The following NTM variants were observed in gnomAD, a reference collection of about 807,000 sequenced individuals.
NTM encodes the protein neurotrimin.
NTM carries 13 observed loss-of-function variants against 42.1 expected under a neutral mutation model. That is an observed-to-expected ratio of 0.31 (90% CI 0.20 to 0.49). The LOEUF (loss-of-function observed/expected upper bound fraction) is 0.49, where lower values mean the gene tolerates loss of function less well. Ranked by LOEUF, NTM falls within the 20% of genes least tolerant of loss-of-function variation. NTM has a pLI of 0.99. For synonymous variants in NTM, 187 were observed against 179.2 expected, an observed-to-expected ratio of 1.04 and a Z score of -0.35; for missense variants, 373 against 452.8, an observed-to-expected ratio of 0.82 and a Z score of 1.60.
In NTM at chr11:132,233,656, C is replaced by T. The variant is rs572822598; in HGVS notation, c.526+21509C>T. On this transcript the variant is annotated intron_variant, in intron 4 of 8. Coordinates refer to ENST00000683400, the MANE Select transcript of NTM (RefSeq NM_001352005.2). ...TTTGTTTATGCCTGCTTTTGTCTTA[C>T]GATGTCAGAGTGGAGTAGTTGCAAC... is the stretch of plus-strand genomic sequence containing the variant. 6.4e-4 allele frequency among the ~76,000 whole-genome samples: 97 copies of T among 152,212 alleles called. No individual in the cohort carries two copies. In the South Asian group the frequency reaches 0.01, roughly 16 times the overall value.
intron 1 of NTM, among the ~76,000 whole-genome samples, chr11:131,631,041 T>C (rs2063604287): frequency 6.6e-6 from 1 of 152,190 alleles, no homozygotes; most frequent in Admixed American, 6.5e-5. Flanking sequence ...GTTCTGTTGA[T>C]CAGAGTGAAA....
intron 2 of NTM, among the ~76,000 whole-genome samples, chr11:131,952,587 G>A (rs1182374770): frequency 6.6e-6 from 1 of 152,148 alleles, no homozygotes; most frequent in Non-Finnish European, 1.5e-5. Flanking sequence ...CTGTGCTTGT[G>A]AAAATGTTTC....
At chr11:131,767,213 A>G in intron 1 of NTM, 1 of 607,506 alleles carries the variant, frequency 1.6e-6, no homozygotes, top group African/African-American at 2.0e-5. Flanking sequence ...CAAATCCAAA[A>G]AGAGTTAAAC....
rs1950776681 is a variant in NTM, at chr11:131,455,182, G to A, written c.82+84294G>A. 2.0e-5 allele frequency among the ~76,000 whole-genome samples: 3 copies of A among 152,352 alleles called. No individual in the cohort carries two copies. The South Asian group carries it at 6.2e-4, about 32-fold the overall frequency. On this transcript the variant is annotated intron_variant, in intron 1 of 8. Transcript: ENST00000683400. ...TCAGGTGCTGTCAATGGGTGACTCAGTAATCGACCTGAAATCTGCAACTGT... is the reference window on the plus strand; with the variant it reads ...TCAGGTGCTGTCAATGGGTGACTCAATAATCGACCTGAAATCTGCAACTGT...
At chr11:131,927,959 G>A (rs1166812385) in intron 2 of NTM, among the ~76,000 whole-genome samples, 1 of 152,036 alleles carries the variant, frequency 6.6e-6, no homozygotes, top group African/African-American at 2.4e-5. Flanking sequence ...TGGGAACAAA[G>A]GATTCTGGTG....
chr11:131,995,816 TG>T (rs1375422153), intron 2 of NTM, among the ~76,000 whole-genome samples: 1 of 151,672 alleles, frequency 6.6e-6, no homozygotes, highest in Admixed American at 6.6e-5. Context: ...CAACTAAAAT[TG>T]GGGGTTTCTA....
At chr11:131,899,449 G>C (rs1319494154) in intron 1 of NTM, among the ~76,000 whole-genome samples, 1 of 152,160 alleles carries the variant, frequency 6.6e-6, no homozygotes, top group Non-Finnish European at 1.5e-5. Flanking sequence ...TGAGAGAAGG[G>C]CGAGATAAGC....
At chr11:131,998,546 C>CT (rs1006071989) in intron 2 of NTM, among the ~76,000 whole-genome samples, 9 of 152,144 alleles carry the variant, frequency 5.9e-5, no homozygotes, top group African/African-American at 1.7e-4. Context: ...AGCTGGTTGA[C>CT]TTTTTTTTAA....
chr11:132,250,093 G>C (rs1402720872), intron 4 of NTM, among the ~76,000 whole-genome samples: 1 of 152,046 alleles, frequency 6.6e-6, no homozygotes, highest in Non-Finnish European at 1.5e-5. Flanking sequence ...CTCAGTTTTT[G>C]TTTAGTGAAA....
intron 1 of NTM, among the ~76,000 whole-genome samples, chr11:131,568,181 C>T (rs2057086055): frequency 6.6e-6 from 1 of 152,136 alleles, no homozygotes; most frequent in Non-Finnish European, 1.5e-5. Flanking sequence ...AACTATCCTC[C>T]AATCATAAAC....
chr11:132,236,023 A>AC (rs1490342169), intron 4 of NTM, among the ~76,000 whole-genome samples: 211 of 113,306 alleles, frequency 1.9e-3, no homozygotes, highest in East Asian at 4.5e-3. Flanking sequence ...CACACACACA[A>AC]CAAAATTGTA....
intron 2 of NTM, among the ~76,000 whole-genome samples, chr11:132,075,587 C>T (rs1394036059): frequency 1.3e-5 from 2 of 152,130 alleles, no homozygotes; most frequent in African/African-American, 4.8e-5. Flanking sequence ...ATACACAGCT[C>T]TTGTCATTTC....
chr11:131,767,164 A>G, intron 1 of NTM: 1 of 963,746 alleles, frequency 1.0e-6, no homozygotes, highest in Non-Finnish European at 1.2e-6. Flanking sequence ...GATTTACTAA[A>G]TTCTCAAAGA....
At chr11:131,497,045 AG>A (rs1955421192) in intron 1 of NTM, among the ~76,000 whole-genome samples, 1 of 152,068 alleles carries the variant, frequency 6.6e-6, no homozygotes, top group Non-Finnish European at 1.5e-5. Flanking sequence ...CTTCACAGTG[AG>A]GCTGTTCAGG....
intron 4 of NTM, among the ~76,000 whole-genome samples, chr11:132,259,642 T>G (rs1432517621): frequency 6.6e-6 from 1 of 151,938 alleles, no homozygotes; most frequent in Non-Finnish European, 1.5e-5. Context: ...ATTGCGCCAC[T>G]GCACTCCAGC....
chr11:131,767,106 A>G, intron 1 of NTM: 1 of 977,098 alleles, frequency 1.0e-6, no homozygotes, highest in Non-Finnish European at 1.2e-6. Flanking sequence ...TGGACAAGGC[A>G]GTAAGTAAGT....
chr11:132,329,498 C>A (rs146857837), intron 7 of NTM, among the ~76,000 whole-genome samples: 1 of 152,330 alleles, frequency 6.6e-6, no homozygotes, highest in East Asian at 1.9e-4. Flanking sequence ...TGGGTCAGAG[C>A]CGCAGGCTGC....
intron 4 of NTM, among the ~76,000 whole-genome samples, chr11:132,266,894 G>C (rs1295209265): frequency 1.3e-5 from 2 of 152,172 alleles, no homozygotes; most frequent in African/African-American, 4.8e-5. Context: ...GATTTTGAAT[G>C]TAAATGTTTT....
intron 4 of NTM, among the ~76,000 whole-genome samples, chr11:132,256,475 A>G (rs73597237): frequency 0.018 from 2,700 of 152,214 alleles, 66 homozygotes; most frequent in African/African-American, 0.061. Context: ...CACAGAGCCA[A>G]TCAGCCACCT....
Sources: allele counts gnomAD v4.1 joint callset (sites outside exome capture counted in the v4.1 genomes callset), GRCh38; gene constraint gnomAD v4.1.1; transcripts MANE v1.5; gene names NCBI Gene and HGNC (gene_info 2026-07-23, HGNC 2026-07-21).